SIDT1: variants seen among roughly 807,000 people sequenced by gnomAD.
The protein encoded by SIDT1 is SID1 transmembrane family member 1.
A neutral mutation model predicts 107.5 loss-of-function variants in SIDT1; 101 were observed. The observed-to-expected ratio is 0.94, with a 90% CI of 0.80 to 1.11. The LOEUF is 1.11. Ranked by LOEUF, SIDT1 falls within the 50% of genes least tolerant of loss-of-function variation. The pLI is 0.00. For synonymous variants in SIDT1, 395 were observed against 398.2 expected (o/e 0.99, Z 0.10); for missense variants, 1,076 against 1,058.2 (o/e 1.02, Z -0.23).
chr3:113,616,486 G>T (rs1440319384), intron 20 of SIDT1, among the ~76,000 whole-genome samples: 1 of 152,150 alleles, frequency 6.6e-6, no homozygotes, highest in Non-Finnish European at 1.5e-5. Context: ...ACTGGGGCCT[G>T]TTAGAGGGTG....
At chr3:113,617,004 T>A (rs963815234) in intron 20 of SIDT1, among the ~76,000 whole-genome samples, 27 of 152,224 alleles carry the variant, frequency 1.8e-4, no homozygotes, top group Non-Finnish European at 3.4e-4. Context: ...TGAAATTTTT[T>A]AAAAATAAAA....
chr3:113,619,660 T>C lies in SIDT1; in HGVS notation c.2044-20T>C, dbSNP rs1001629924. 6.2e-7 allele frequency: 1 copy of C among 1,613,216 alleles called. No individual in the cohort carries two copies. The highest frequency in any genetic ancestry group is 1.3e-5 in the African/African-American group (1 of 75,032). On this transcript the variant is annotated intron_variant, in intron 20 of 24. Coordinates refer to ENST00000264852, the MANE Select transcript of SIDT1 (RefSeq NM_017699.3). Reference sequence around the variant, plus strand: ...AGGCTGTGCAGCCTCTCATTTGATGTTTTCTTTCCTCTTTTCCAGGATAGA... The same window carrying C: ...AGGCTGTGCAGCCTCTCATTTGATGCTTTCTTTCCTCTTTTCCAGGATAGA...
At position 113,532,846 on chromosome 3, in the gene SIDT1, A is replaced by G; in HGVS notation, c.-176A>G. On this transcript the variant is annotated 5_prime_UTR_variant, in exon 1 of 25. Transcript: ENST00000264852. ...GGAGACCCCAGGCGGCAGCATCAGT[A>G]TTTGATCGGCCCTTCGTCAGCACGC... 1 of 430,516 alleles carries G rather than the reference A, an allele frequency of 2.3e-6. No homozygotes were observed. Among genetic ancestry groups the G allele is most frequent in the Non-Finnish European group, 4.0e-6 (1 of 249,724 alleles). The allele number at this position is 430,516 out of a possible 1,614,324, so 26.7% of individuals were successfully genotyped here.
chr3:113,615,441 C>A (rs1294684564), intron 19 of SIDT1, among the ~76,000 whole-genome samples: 1 of 152,154 alleles, frequency 6.6e-6, no homozygotes, highest in Non-Finnish European at 1.5e-5. Context: ...AAACACAGCC[C>A]GTCTTTGACC....
intron 1 of SIDT1, among the ~76,000 whole-genome samples, chr3:113,555,486 C>A (rs1940749214): frequency 1.3e-5 from 2 of 152,176 alleles, no homozygotes; most frequent in South Asian, 4.1e-4. Flanking sequence ...TCTGACTGTG[C>A]ATTTTTCTGT....
rs760645304 is a variant in SIDT1, at chr3:113,580,615, T to C, written c.569T>C (p.Leu190Pro). Residue 190 changes from leucine to proline, a missense_variant, in exon 5 of 25, where the codon CTA becomes CCA. Leu to Pro is a moderately conservative substitution (Grantham distance 98). Transcript: ENST00000264852. ...TCTTTTTCTTATTCTCAGTATTTTC[T>C]ATACAAGTTTCCCAAAGACGTGGAC... ...TASPSQPQYFLYKFPKDVDSV... is the reference protein window; with the variant it reads ...TASPSQPQYFPYKFPKDVDSV... 3.2e-5 allele frequency: 51 copies of C among 1,593,228 alleles called. No homozygotes were observed. The Admixed American group carries it at 7.2e-4, about 22-fold the overall frequency.
chr3:113,574,240 G>A (rs1053680646), intron 3 of SIDT1, among the ~76,000 whole-genome samples: 1 of 152,174 alleles, frequency 6.6e-6, no homozygotes, highest in African/African-American at 2.4e-5. Context: ...GTACATGAGT[G>A]CGGAGTTTAT....
downstream of SIDT1, among the ~76,000 whole-genome samples, chr3:113,633,265 G>T (rs942245086): frequency 6.6e-6 from 1 of 152,112 alleles, no homozygotes; most frequent in Non-Finnish European, 1.5e-5. Context: ...TATCAGAGAA[G>T]GATGCTGGTT....
At chr3:113,579,696 G>A (rs1161826450) in intron 4 of SIDT1, among the ~76,000 whole-genome samples, 2 of 152,150 alleles carry the variant, frequency 1.3e-5, no homozygotes, top group Non-Finnish European at 2.9e-5. Flanking sequence ...ACAAAGTTAA[G>A]TTTTAACTTG....
intron 1 of SIDT1, among the ~76,000 whole-genome samples, chr3:113,535,305 G>T (rs999845247): frequency 6.6e-6 from 1 of 151,928 alleles, no homozygotes; most frequent in Non-Finnish European, 1.5e-5. Flanking sequence ...GAAAAGAGAG[G>T]CTTATAAAAA....
chr3:113,619,110 C>A (rs777977193), intron 20 of SIDT1, among the ~76,000 whole-genome samples: 1 of 152,224 alleles, frequency 6.6e-6, no homozygotes, highest in South Asian at 2.1e-4. Flanking sequence ...TAGGCGTGAG[C>A]CACCACACCC....
Position 113,541,925 on chromosome 3 carries a change from CTT to C in SIDT1, c.222+8698_222+8699del, listed in dbSNP as rs34308658. Reference sequence around the variant, plus strand: ...AGTAGGTCAATTTTTCTTTTTCTTTCTTTTTTTTTTTTTTTTTAGATGGAGTC... The same window carrying C: ...AGTAGGTCAATTTTTCTTTTTCTTTCTTTTTTTTTTTTTTTAGATGGAGTC... On this transcript the variant is annotated intron_variant, in intron 1 of 24. Coordinates refer to ENST00000264852, the MANE Select transcript of SIDT1 (RefSeq NM_017699.3). Among the ~76,000 whole-genome samples, 119 of 128,168 alleles carry C rather than the reference CTT, an allele frequency of 9.3e-4. 1 individual carries two copies. The highest frequency in any genetic ancestry group is 1.0e-3 in the South Asian group (4 of 3,936). 84.1% of individuals were successfully genotyped at this position (128,168 alleles called of 152,430 possible).
At chr3:113,630,089 T>G (rs183851987), downstream of SIDT1, among the ~76,000 whole-genome samples, 1 of 152,170 alleles carries the variant, frequency 6.6e-6, no homozygotes, top group Admixed American at 6.5e-5. Context: ...AACTCTTGCC[T>G]GGGTTCATGG....
At chr3:113,597,809 CGTAA>C (rs1369393977) in intron 10 of SIDT1, among the ~76,000 whole-genome samples, 2 of 152,276 alleles carry the variant, frequency 1.3e-5, no homozygotes, top group Middle Eastern at 3.4e-3. Context: ...CATTCACAAT[CGTAA>C]GTGTCTGCTA....
chr3:113,534,599 G>A (rs1576672601), intron 1 of SIDT1, among the ~76,000 whole-genome samples: 1 of 152,322 alleles, frequency 6.6e-6, no homozygotes, highest in African/African-American at 2.4e-5. Context: ...TCTATCTAGC[G>A]TGGGAGAACT....
chr3:113,585,139 AGAGGATG>A, intron 8 of SIDT1, 31 bp from the exon 9 acceptor site: 1 of 1,414,442 alleles, frequency 7.1e-7, no homozygotes, highest in Admixed American at 1.7e-5. Flanking sequence ...TCTTTTCTGC[AGAGGATG>A]ACCTGACCAA....
Position 113,626,144 on chromosome 3 carries a change from C to A in SIDT1, c.2350C>A (p.Leu784Met). 1 of 1,614,178 alleles carries A rather than the reference C, an allele frequency of 6.2e-7. No homozygotes were observed. The highest frequency in any genetic ancestry group is 1.1e-5 in the South Asian group (1 of 91,082). ...CCGGGAGAAGAACCGCGAGTGCATT[C>A]TGCTGGATTTCTTCGATGACCATGA... Reference protein sequence around the residue: ...ESREKNRECILLDFFDDHDIW... With the variant: ...ESREKNRECIMLDFFDDHDIW... Residue 784 changes from leucine (L) to methionine (M), a missense_variant, in exon 24 of 25, where the codon CTG (leucine) becomes ATG (methionine). By Grantham distance (15) the Leu-to-Met change is conservative. Transcript: ENST00000264852.
chr3:113,581,266 G>C (rs1490892563), intron 5 of SIDT1, 95 bp from the exon 6 acceptor site: 1 of 1,007,538 alleles, frequency 9.9e-7, no homozygotes, highest in African/African-American at 1.6e-5. Flanking sequence ...CCTGCTCTGT[G>C]ATCCAAGCAG....
chr3:113,544,736 T>C (rs890709205), intron 1 of SIDT1, among the ~76,000 whole-genome samples: 18 of 152,324 alleles, frequency 1.2e-4, no homozygotes, highest in South Asian at 2.1e-4. Flanking sequence ...CTATTACTAG[T>C]ATGGTTAACC....
Sources: gnomAD v4.1 joint callset for allele counts (sites outside exome capture counted in the v4.1 genomes callset) on GRCh38, gnomAD v4.1.1 for gene constraint, MANE v1.5 for transcripts, NCBI Gene and HGNC (gene_info 2026-07-23, HGNC 2026-07-21) for gene names.